The following BRD3 variants were observed in gnomAD, a reference collection of about 807,000 sequenced individuals.
BRD3 encodes the protein bromodomain-containing protein 3.
Under a neutral mutation model 66.8 loss-of-function variants are expected in BRD3, and 17 were observed. The ratio of observed to expected loss-of-function variants is 0.25; its 90% CI spans 0.17 to 0.38. The LOEUF (loss-of-function observed/expected upper bound fraction) is 0.38, where lower values mean the gene tolerates loss of function less well. Among genes scored for constraint, BRD3 ranks in the 10% least tolerant of loss-of-function variants. The probability of loss-of-function intolerance (pLI) is 1.00; values close to 1 mark genes in which losing one functional copy is unlikely to be tolerated. For synonymous variants in BRD3, 421 were observed against 393.2 expected (o/e 1.07, Z -0.84); for missense variants, 713 against 956.1 (o/e 0.75, Z 3.35).
In BRD3 at chr9:134,033,396, C is replaced by T. The variant is rs201025845; in HGVS notation, c.*194G>A. 2 of 519,672 alleles carry T rather than the reference C, an allele frequency of 3.8e-6. No homozygotes were observed. Among genetic ancestry groups the T allele is most frequent in the Non-Finnish European group, 6.8e-6 (2 of 292,840 alleles). 32.2% of individuals were successfully genotyped at this position (519,672 alleles called of 1,614,324 possible). On this transcript the variant is annotated 3_prime_UTR_variant, in exon 12 of 12. Transcript: ENST00000303407. The surrounding 1 kb of genome is among the most constrained non-coding windows in gnomAD (Gnocchi z 5.1). Reference sequence around the variant, plus strand: ...AAGAGACTTTCTGCAGAGTTCACACCTTCTCATCAAGTCTAACGCACACAC... The same window carrying T: ...AAGAGACTTTCTGCAGAGTTCACACTTTCTCATCAAGTCTAACGCACACAC...
chr9:134,034,674 G>A (rs769389776), intron 11 of BRD3, 27 bp downstream of exon 11: 8 of 1,600,696 alleles, frequency 5.0e-6, no homozygotes, highest in Non-Finnish European at 5.9e-6. Flanking sequence ...CCCTAAAGAG[G>A]GGTGGCACAG....
At position 134,041,846 on chromosome 9, in the gene BRD3, G is replaced by C; in HGVS notation, c.1321C>G (p.Arg441Gly). The change falls in exon 8 of 12, where the codon CGT (arginine) becomes GGT (glycine). Residue 441 changes from arginine (R) to glycine (G), a missense_variant. Transcript: ENST00000303407. ...TCCGAAGAGCTCTCCTCACTGCTAC[G>C]GCTGCTCTCAGCGCCCTTGCTCACC... is the stretch of plus-strand genomic sequence containing the variant. ...PMVSKGAESS[R>G]SSEESSSDSG... 6.2e-7 allele frequency: 1 copy of C among 1,612,996 alleles called. No individual in the cohort carries two copies. The highest frequency in any genetic ancestry group is 8.5e-7 in the Non-Finnish European group (1 of 1,179,838).
chr9:134,038,386 G>T (rs918476537), intron 9 of BRD3, among the ~76,000 whole-genome samples: 2 of 152,148 alleles, frequency 1.3e-5, no homozygotes, highest in Admixed American at 1.3e-4. Context: ...GATTACAGGT[G>T]TGAGCCACTG....
rs1360529845 is a variant in BRD3, at chr9:134,032,477, C to CA, written c.*1112dup. Reference sequence around the variant, plus strand: ...AAAAAAAAACCACAAAGAAAAAAACCAAAAAACCCAACAAACCCAGGGGCG... The same window carrying CA: ...AAAAAAAAACCACAAAGAAAAAAACCAAAAAAACCCAACAAACCCAGGGGCG... On this transcript the variant is annotated 3_prime_UTR_variant, in exon 12 of 12. Coordinates refer to ENST00000303407, the MANE Select transcript of BRD3 (RefSeq NM_007371.4). The CA allele has an allele frequency of 5.5e-5, 12 of 217,898 alleles. No individual in the cohort carries two copies. In the Admixed American group the frequency reaches 6.5e-4, roughly 12 times the overall value. 13.5% of individuals were successfully genotyped at this position (217,898 alleles called of 1,614,324 possible). A position where few individuals can be genotyped will look rare whatever the true frequency, so the allele number is the denominator to read the frequency against.
Position 134,050,448 on chromosome 9 carries a change from G to A in BRD3, c.640C>T (p.Pro214Ser), listed in dbSNP as rs2132422902. Residue 214 changes from proline (P) to serine (S), a missense_variant, in exon 5 of 12, where the codon CCC (proline) becomes TCC (serine). Pro to Ser is a moderately conservative substitution (Grantham distance 74). This residue lies in a region of BRD3 where 120 missense variants were observed against 122.8 expected (regional missense o/e 0.98). Coordinates refer to ENST00000303407, the MANE Select transcript of BRD3 (RefSeq NM_007371.4). ...GGAGGAGGTGGGGCGGCAGCTGGGG[G>A]GACTGGGACCGACGTGACGTTTGCA... is the stretch of plus-strand genomic sequence containing the variant. ...ITANVTSVPVPPAAAPPPPAT... is the reference protein window; with the variant it reads ...ITANVTSVPVSPAAAPPPPAT... The A allele has an allele frequency of 1.9e-6, 3 of 1,612,500 alleles. No individual in the cohort carries two copies. Among genetic ancestry groups the A allele is most frequent in the Non-Finnish European group, 2.5e-6 (3 of 1,179,680 alleles).
chr9:134,053,587 A>G lies in BRD3; in HGVS notation c.-110T>C. ...TCCCATTTCCGGGCCCAACCAGGCGACAGCTGCAGAGGAGGAAGCACAACA... is the reference window on the plus strand; with the variant it reads ...TCCCATTTCCGGGCCCAACCAGGCGGCAGCTGCAGAGGAGGAAGCACAACA... On this transcript the variant is annotated 5_prime_UTR_variant, in exon 2 of 12. Coordinates refer to ENST00000303407, the MANE Select transcript of BRD3 (RefSeq NM_007371.4). The G allele has an allele frequency of 6.9e-7, 1 of 1,446,890 alleles. No individual in the cohort carries two copies. The highest frequency in any genetic ancestry group is 1.4e-5 in the South Asian group (1 of 69,406). The allele number at this position is 1,446,890 out of a possible 1,614,324, so 89.6% of individuals were successfully genotyped here. A position where few individuals can be genotyped will look rare whatever the true frequency, so the allele number is the denominator to read the frequency against.
At chr9:134,050,732 GCCC>G (rs1265522347) in intron 4 of BRD3, 144 bp from the exon 5 acceptor site, 2 of 672,940 alleles carry the variant, frequency 3.0e-6, no homozygotes, top group Non-Finnish European at 5.0e-6. Context: ...ATGCTGAGAT[GCCC>G]CCCATCCTGC....
In BRD3 at chr9:134,033,140, G is replaced by C; in HGVS notation, c.*450C>G. 2.5e-6 allele frequency: 1 copy of C among 399,818 alleles called. No homozygotes were observed. The allele number at this position is 399,818 out of a possible 1,614,324, so 24.8% of individuals were successfully genotyped here. A position where few individuals can be genotyped will look rare whatever the true frequency, so the allele number is the denominator to read the frequency against. The stretch of plus-strand genomic sequence containing the variant: ...CGTCAGACACGAGGGTCAGAGCTCG[G>C]GGCCCAAATGACAAGGACAATGCGT... On this transcript the variant is annotated 3_prime_UTR_variant, in exon 12 of 12. Coordinates refer to ENST00000303407, the MANE Select transcript of BRD3 (RefSeq NM_007371.4). This position sits in a 1 kb window ranked among gnomAD's most constrained non-coding sequence, Gnocchi z 5.1.
rs1830050861 is a variant in BRD3 at position 134,041,691 on chromosome 9, G to A, written c.1407+69C>T. The stretch of plus-strand genomic sequence containing the variant: ...GAGGAAGGAACCATGCAAAGGGACG[G>A]ACCTTGGGCTGCTGTGCCAGCAATC... On this transcript the variant is annotated intron_variant, in intron 8 of 11. Coordinates refer to ENST00000303407, the MANE Select transcript of BRD3 (RefSeq NM_007371.4). 1.8e-5 allele frequency: 28 copies of A among 1,542,532 alleles called. 1 individual carries two copies. In the South Asian group the frequency reaches 3.0e-4, roughly 16 times the overall value.
Position 134,032,502 on chromosome 9 carries a change from G to A in BRD3, c.*1088C>T, listed in dbSNP as rs1843526003. ...CAAAAAACCCAACAAACCCAGGGGC[G>A]AGCGCGCGAACAGACGTGGGTGAGC... On this transcript the variant is annotated 3_prime_UTR_variant, in exon 12 of 12. Transcript: ENST00000303407. 3 of 228,306 alleles carry A rather than the reference G, an allele frequency of 1.3e-5. No homozygotes were observed. The highest frequency in any genetic ancestry group is 1.1e-4 in the Admixed American group (2 of 17,574). 14.1% of individuals were successfully genotyped at this position (228,306 alleles called of 1,614,324 possible). A position where few individuals can be genotyped will look rare whatever the true frequency, so the allele number is the denominator to read the frequency against.
At position 134,031,714 on chromosome 9, in the gene BRD3, C is replaced by G. The variant is rs541491365; in HGVS notation, c.*1876G>C. 4.7e-6 allele frequency: 1 copy of G among 212,482 alleles called. No homozygotes were observed. The highest frequency in any genetic ancestry group is 7.1e-5 in the East Asian group (1 of 14,140). 13.2% of individuals were successfully genotyped at this position (212,482 alleles called of 1,614,324 possible). On this transcript the variant is annotated 3_prime_UTR_variant, in exon 12 of 12. Coordinates refer to ENST00000303407, the MANE Select transcript of BRD3 (RefSeq NM_007371.4). ...CTGTAAGGGTCAGTGGACTCTGAAT[C>G]AATTTTATGGTTGTTTTAAAATCAC...
intron 9 of BRD3, 26 bp downstream of exon 9, chr9:134,040,008 G>A (rs1466894228): frequency 2.5e-6 from 4 of 1,569,598 alleles, no homozygotes; most frequent in East Asian, 2.3e-5. Context: ...CTGGGCTCTT[G>A]GAGCCCGAGC....
intron 3 of BRD3, among the ~76,000 whole-genome samples, 180 bp from the exon 4 acceptor site, chr9:134,051,889 GTTTT>G (rs886259053): frequency 5.1e-5 from 3 of 59,022 alleles, no homozygotes; most frequent in Admixed American, 1.6e-4. Context: ...TGTTTTTTTT[GTTTT>G]TTTTTTTTTT....
intron 6 of BRD3, among the ~76,000 whole-genome samples, chr9:134,046,151 G>A (rs1221478342): frequency 3.3e-5 from 5 of 152,190 alleles, no homozygotes; most frequent in African/African-American, 4.8e-5. Context: ...AGTGCCAGGC[G>A]GCAGGGGTAA....
At chr9:134,060,487 G>C (rs186084566) in intron 1 of BRD3, among the ~76,000 whole-genome samples, 259 of 152,240 alleles carry the variant, frequency 1.7e-3, no homozygotes, top group African/African-American at 6.1e-3. Context: ...AGCTATTCAG[G>C]AGGCTGAGGT....
intron 9 of BRD3, among the ~76,000 whole-genome samples, chr9:134,037,667 CAAAGG>C (rs1829955049): frequency 2.0e-5 from 3 of 151,996 alleles, no homozygotes; most frequent in Non-Finnish European, 2.9e-5. Flanking sequence ...CTAAACTAAG[CAAAGG>C]AAACAGTAAA....
chr9:134,034,425 G>T, intron 11 of BRD3: 1 of 414,430 alleles, frequency 2.4e-6, no homozygotes, highest in Non-Finnish European at 4.4e-6. Flanking sequence ...AGCCCCACAA[G>T]AGCCCTCTCC....
At position 134,041,968 on chromosome 9, in the gene BRD3, G is replaced by C; in HGVS notation, c.1216-17C>G. ...AAACACGTCCTGCGGCAGAACAGAG[G>C]CTGCCCTGAAGACATGGGTGCCCAT... On this transcript the variant is annotated splice_polypyrimidine_tract_variant and intron_variant, in intron 7 of 11. Transcript: ENST00000303407. 6.4e-7 allele frequency: 1 copy of C among 1,555,552 alleles called. No homozygotes were observed. Among genetic ancestry groups the C allele is most frequent in the Non-Finnish European group, 8.7e-7 (1 of 1,148,230 alleles).
intron 1 of BRD3, among the ~76,000 whole-genome samples, chr9:134,064,755 G>A (rs1830611535): frequency 6.6e-6 from 1 of 152,192 alleles, no homozygotes; most frequent in Admixed American, 6.5e-5. Context: ...GATGGCAGGA[G>A]CCCAGGAACC....
Sources: allele counts gnomAD v4.1 joint callset (sites outside exome capture counted in the v4.1 genomes callset), GRCh38; gene constraint gnomAD v4.1.1; regional missense constraint gnomAD v4.1.1; non-coding constraint Gnocchi (gnomAD v3.1); transcripts MANE v1.5; gene names NCBI Gene and HGNC (gene_info 2026-07-23, HGNC 2026-07-21).